TSC22D1: variants seen among roughly 807,000 people sequenced by gnomAD.
TSC22D1 encodes the protein TSC22 domain family member 1.
Under a neutral mutation model 74.2 loss-of-function variants are expected in TSC22D1, and 9 were observed. The ratio of observed to expected loss-of-function variants is 0.12; its 90% confidence interval spans 0.07 to 0.21. TSC22D1 has a LOEUF of 0.21. Among genes scored for constraint, TSC22D1 ranks in the 10% least tolerant of loss-of-function variants. The pLI, the probability that TSC22D1 is intolerant of heterozygous loss-of-function variation, is 1.00. For missense variants in TSC22D1, 1,427 were observed against 1,304.7 expected (o/e 1.09, Z -1.44); for synonymous variants, 586 against 492.5 (o/e 1.19, Z -2.51).
intron 1 of TSC22D1, chr13:44,537,285 TA>T (rs1436562043): frequency 1.0e-6 from 1 of 972,264 alleles, no homozygotes; most frequent in Non-Finnish European, 1.2e-6. Context: ...AATAAAAGTT[TA>T]AATAAACAAA....
rs1884237252 is a variant in TSC22D1, at chr13:44,576,256, G to A, written c.-182C>T. The A allele has an allele frequency of 2.2e-6, 2 of 903,038 alleles. No individual in the cohort carries two copies. Among genetic ancestry groups the A allele is most frequent in the East Asian group, 5.4e-5 (2 of 36,758 alleles). The allele number at this position is 903,038 out of a possible 1,614,324, so 55.9% of individuals were successfully genotyped here. A position where few individuals can be genotyped will look rare whatever the true frequency, so the allele number is the denominator to read the frequency against. The stretch of plus-strand genomic sequence containing the variant: ...TGCCTTCGAGAGCGAGCTTCGGAAA[G>A]GAGGATGAACGAGGGTGAACAGGGC... On this transcript the variant is annotated 5_prime_UTR_variant, in exon 1 of 3. Transcript: ENST00000458659.
chr13:44,575,199 A>T lies in TSC22D1; in HGVS notation c.876T>A (p.Asn292Lys), dbSNP rs747712743. 9 of 1,614,090 alleles carry T rather than the reference A, an allele frequency of 5.6e-6. No homozygotes were observed. The East Asian group carries it at 2.0e-4, about 36-fold the overall frequency. ...SSGSPASVMT[N>K]MRAPSTTGGI... ...CACCTGTAGTACTTGGAGCACGCAT[A>T]TTAGTCATTACAGATGCAGGTGAAC... Residue 292 changes from asparagine to lysine, a missense_variant, in exon 1 of 3, where the codon AAT becomes AAA. Physicochemically the swap from Asn to Lys is moderately conservative, Grantham distance 94. Around this residue, in one of 3 missense-constraint regions of TSC22D1, gnomAD observed 1,343 missense variants for 1,191.5 expected, o/e 1.13. Transcript: ENST00000458659.
intron 1 of TSC22D1, among the ~76,000 whole-genome samples, chr13:44,453,376 A>T (rs1876313424): frequency 6.6e-6 from 1 of 152,230 alleles, no homozygotes. Context: ...CAGCAGAATA[A>T]CCTACCAAAC....
intron 1 of TSC22D1, among the ~76,000 whole-genome samples, chr13:44,544,619 C>T (rs1881701848): frequency 6.7e-6 from 1 of 149,456 alleles, no homozygotes; most frequent in South Asian, 2.1e-4. Context: ...TGTGCTTAAT[C>T]ATGGACAGTA....
intron 1 of TSC22D1, among the ~76,000 whole-genome samples, chr13:44,508,473 A>G (rs1879538951): frequency 6.6e-6 from 1 of 152,222 alleles, no homozygotes; most frequent in Non-Finnish European, 1.5e-5. Flanking sequence ...TTTTAAAAAA[A>G]GGAAACGAAT....
At chr13:44,496,991 C>CTATA (rs150317466) in intron 1 of TSC22D1, among the ~76,000 whole-genome samples, 2 of 150,252 alleles carry the variant, frequency 1.3e-5, no homozygotes, top group Non-Finnish European at 3.0e-5. Flanking sequence ...AGCTGCTGTG[C>CTATA]TATATATATA....
chr13:44,434,281 G>A lies in TSC22D1; in HGVS notation c.*345C>T, dbSNP rs968941618. ...TAGGACACTAAGCGCAAGCAGGAGA[G>A]AGAACCCTTGGAAGTGAGGGGTAGG... On this transcript the variant is annotated 3_prime_UTR_variant, in exon 3 of 3. Transcript: ENST00000458659. The A allele has an allele frequency of 2.9e-6, 4 of 1,386,484 alleles. No individual in the cohort carries two copies. Among genetic ancestry groups the A allele is most frequent in the East Asian group, 2.9e-5 (1 of 34,784 alleles). 85.9% of individuals were successfully genotyped at this position (1,386,484 alleles called of 1,614,324 possible). A position where few individuals can be genotyped will look rare whatever the true frequency, so the allele number is the denominator to read the frequency against.
chr13:44,523,060 C>T (rs1880390365), intron 1 of TSC22D1, among the ~76,000 whole-genome samples: 1 of 151,456 alleles, frequency 6.6e-6, no homozygotes, highest in Non-Finnish European at 1.5e-5. Flanking sequence ...TGAAATGGAG[C>T]TCAACACCCT....
At chr13:44,556,332 G>A (rs1882637256) in intron 1 of TSC22D1, among the ~76,000 whole-genome samples, 2 of 151,770 alleles carry the variant, frequency 1.3e-5, no homozygotes, top group Non-Finnish European at 2.9e-5. Context: ...GGATCACAAG[G>A]TCAGGAGTTC....
At chr13:44,531,427 A>G (rs779067337) in intron 1 of TSC22D1, among the ~76,000 whole-genome samples, 3 of 152,190 alleles carry the variant, frequency 2.0e-5, no homozygotes. Context: ...TACAGATTAT[A>G]TGTCCTTGGC....
At chr13:44,509,953 A>AAAAAAAAAAAAAAAAAAAAC (rs1879628090) in intron 1 of TSC22D1, among the ~76,000 whole-genome samples, 1 of 141,456 alleles carries the variant, frequency 7.1e-6, no homozygotes. Flanking sequence ...AAATAAGCAA[A>AAAAAAAAAAAAAAAAAAAAC]AAAAAAAAAA....
At chr13:44,446,240 A>G (rs1042028243) in intron 1 of TSC22D1, among the ~76,000 whole-genome samples, 2 of 152,236 alleles carry the variant, frequency 1.3e-5, no homozygotes, top group African/African-American at 4.8e-5. Context: ...ATATTATGGT[A>G]AGAGAAACAA....
At chr13:44,552,956 C>T (rs1403650230) in intron 1 of TSC22D1, among the ~76,000 whole-genome samples, 3 of 152,154 alleles carry the variant, frequency 2.0e-5, no homozygotes, top group Admixed American at 6.5e-5. Flanking sequence ...CCACTGCACT[C>T]CAGCCTGGGC....
intron 1 of TSC22D1, among the ~76,000 whole-genome samples, chr13:44,570,226 T>G (rs910695755): frequency 2.6e-5 from 4 of 151,144 alleles, no homozygotes; most frequent in Admixed American, 2.6e-4. Flanking sequence ...GGTCCTGGTC[T>G]GCCACCCAGG....
At chr13:44,555,264 A>C (rs978589849) in intron 1 of TSC22D1, among the ~76,000 whole-genome samples, 2 of 148,860 alleles carry the variant, frequency 1.3e-5, no homozygotes, top group Admixed American at 6.7e-5. Flanking sequence ...GCCCTTGTGA[A>C]TTTTTTTTTT....
intron 1 of TSC22D1, among the ~76,000 whole-genome samples, chr13:44,541,596 G>C (rs1881472323): frequency 6.6e-6 from 1 of 152,068 alleles, no homozygotes; most frequent in Non-Finnish European, 1.5e-5. Context: ...AAGCCTTTTA[G>C]TATTTAAAAG....
chr13:44,494,375 CAAAAAAAAAAAAAAAA>C (rs57468850), intron 1 of TSC22D1, among the ~76,000 whole-genome samples: 7 of 26,474 alleles, frequency 2.6e-4, no homozygotes, highest in Middle Eastern at 0.067. Context: ...GACTCCGTAT[CAAAAAAAAAAAAAAAA>C]AAAAAAAAAA....
chr13:44,531,211 G>T (rs1458635836), intron 1 of TSC22D1, among the ~76,000 whole-genome samples: 1 of 152,134 alleles, frequency 6.6e-6, no homozygotes, highest in Admixed American at 6.5e-5. Flanking sequence ...TGGGAGGGAG[G>T]AGGAGGTAAA....
In TSC22D1 at chr13:44,517,817, G is replaced by GTGTGTGTA. The variant is rs1347354789; in HGVS notation, c.2912+55345_2912+55346insTACACACA. Among the ~76,000 whole-genome samples the GTGTGTGTA allele has an allele frequency of 8.5e-3, 172 of 20,280 alleles. 7 individuals carry two copies. Among genetic ancestry groups the GTGTGTGTA allele is most frequent in the East Asian group, 0.018 (11 of 622 alleles). The allele number at this position is 20,280 out of a possible 152,430, so 13.3% of individuals were successfully genotyped here. The stretch of plus-strand genomic sequence containing the variant: ...TATATATACACACATATATATGTGT[G>GTGTGTGTA]TGTGTGTGTGTGTATATATATATAT... On this transcript the variant is annotated intron_variant, in intron 1 of 2. Coordinates refer to ENST00000458659, the MANE Select transcript of TSC22D1 (RefSeq NM_183422.4).
Sources: allele counts gnomAD v4.1 joint callset (sites outside exome capture counted in the v4.1 genomes callset), GRCh38; gene constraint gnomAD v4.1.1; regional missense constraint gnomAD v4.1.1; transcripts MANE v1.5; gene names NCBI Gene and HGNC (gene_info 2026-07-23, HGNC 2026-07-21).